PACSIN2: variants seen among roughly 807,000 people sequenced by gnomAD.
PACSIN2 encodes protein kinase C and casein kinase substrate in neurons 2, also known as protein kinase C and casein kinase substrate in neurons protein 2.
Under a neutral mutation model 63.8 loss-of-function variants are expected in PACSIN2, and 25 were observed. The observed-to-expected ratio is 0.39, with a 90% confidence interval of 0.29 to 0.55. The LOEUF is 0.55. Ranked by LOEUF, PACSIN2 falls within the 20% of genes least tolerant of loss-of-function variation. PACSIN2 has a pLI of 0.62. For missense variants in PACSIN2, 518 were observed against 646.9 expected, an observed-to-expected ratio of 0.80 and a Z score of 2.16; for synonymous variants, 255 against 256.2, an observed-to-expected ratio of 1.00 and a Z score of 0.05.
intron 1 of PACSIN2, among the ~76,000 whole-genome samples, chr22:42,932,715 A>C (rs2146779072): frequency 6.6e-6 from 1 of 152,216 alleles, no homozygotes; most frequent in East Asian, 1.9e-4. Context: ...AGCTGAGAGC[A>C]AAACAATTTT....
chr22:42,943,378 G>A (rs1933263908), intron 1 of PACSIN2, among the ~76,000 whole-genome samples: 1 of 151,944 alleles, frequency 6.6e-6, no homozygotes, highest in African/African-American at 2.4e-5. Context: ...TATGCCTTTT[G>A]TTTTCTTGTC....
At chr22:42,973,704 T>A (rs1395295312) in intron 1 of PACSIN2, among the ~76,000 whole-genome samples, 1 of 152,198 alleles carries the variant, frequency 6.6e-6, no homozygotes, top group African/African-American at 2.4e-5. Flanking sequence ...TGCTCTCCCC[T>A]GTAACTGACA....
intron 2 of PACSIN2, among the ~76,000 whole-genome samples, chr22:42,898,797 A>G: frequency 6.6e-6 from 1 of 152,130 alleles, no homozygotes; most frequent in East Asian, 1.9e-4. Flanking sequence ...ACCCAATGTC[A>G]GCCAAGCCTC....
intron 2 of PACSIN2, among the ~76,000 whole-genome samples, chr22:42,896,760 G>T (rs562539803): frequency 6.6e-6 from 1 of 152,192 alleles, no homozygotes; most frequent in African/African-American, 2.4e-5. Flanking sequence ...TGTCCTGCAT[G>T]CTCCCAGCAC....
At chr22:42,966,637 T>C (rs938309913) in intron 1 of PACSIN2, among the ~76,000 whole-genome samples, 1 of 152,162 alleles carries the variant, frequency 6.6e-6, no homozygotes, top group Non-Finnish European at 1.5e-5. Context: ...AAAGCACCAA[T>C]GTGATAGAGG....
chr22:43,007,655 C>T (rs760173151), intron 1 of PACSIN2, among the ~76,000 whole-genome samples: 9 of 152,214 alleles, frequency 5.9e-5, no homozygotes, highest in Non-Finnish European at 8.8e-5. Flanking sequence ...GTCCTGAGGA[C>T]AGTCAGACCC....
At chr22:42,997,574 T>A (rs1458947513) in intron 1 of PACSIN2, among the ~76,000 whole-genome samples, 2 of 138,680 alleles carry the variant, frequency 1.4e-5, no homozygotes, top group Non-Finnish European at 3.2e-5. Flanking sequence ...AAACAATAAA[T>A]AATAAATAAA....
intron 7 of PACSIN2, among the ~76,000 whole-genome samples, chr22:42,881,489 C>T (rs1929071246): frequency 6.6e-6 from 1 of 152,196 alleles, no homozygotes; most frequent in South Asian, 2.1e-4. Flanking sequence ...AGGTAGTCGC[C>T]CTCAGCATCC....
chr22:42,973,105 C>T (rs1294881035), intron 1 of PACSIN2, among the ~76,000 whole-genome samples: 1 of 152,208 alleles, frequency 6.6e-6, no homozygotes, highest in Non-Finnish European at 1.5e-5. Context: ...ACATCTGGGA[C>T]ATGACCGTCA....
chr22:42,955,297 GAACA>G (rs1415774165), intron 1 of PACSIN2, among the ~76,000 whole-genome samples: 8 of 152,138 alleles, frequency 5.3e-5, no homozygotes, highest in East Asian at 1.9e-4. Flanking sequence ...ATGAATGAAT[GAACA>G]AACAAACGAA....
At position 42,887,084 on chromosome 22, in the gene PACSIN2, G is replaced by GA. The variant is rs1929545205; in HGVS notation, c.609+1558_609+1559insT. On this transcript the variant is annotated intron_variant, in intron 5 of 10. Coordinates refer to ENST00000263246, the MANE Select transcript of PACSIN2 (RefSeq NM_001184970.3). ...AGGCCCGAGAGTTCTCCCGGACCTT[G>GA]TGCTTCTTGAGCCCAGGTGCCTCCC... Among the ~76,000 whole-genome samples the GA allele has an allele frequency of 2.6e-5, 4 of 152,200 alleles. No homozygotes were observed. In the South Asian group the frequency reaches 8.3e-4, roughly 31 times the overall value.
rs573537347 is a variant in PACSIN2, at chr22:42,990,068, GTA to G, written c.-78+24951_-78+24952del. Reference sequence around the variant, plus strand: ...TATATATATACACACACATATGTGTGTATATATATGTGTGTGTATATATGTAA... The same window carrying G: ...TATATATATACACACACATATGTGTGTATATATGTGTGTGTATATATGTAA... On this transcript the variant is annotated intron_variant, in intron 1 of 10. Transcript: ENST00000263246. 4.5e-4 allele frequency among the ~76,000 whole-genome samples: 52 copies of G among 116,566 alleles called. No homozygotes were observed. In the East Asian group the frequency reaches 0.012, roughly 27 times the overall value. 76.5% of individuals were successfully genotyped at this position (116,566 alleles called of 152,430 possible).
chr22:42,952,299 T>C (rs1027857909), intron 1 of PACSIN2, among the ~76,000 whole-genome samples: 6 of 152,202 alleles, frequency 3.9e-5, no homozygotes, highest in African/African-American at 1.4e-4. Context: ...GACTCTCCTG[T>C]TGAAGAAATT....
At chr22:42,948,014 CA>C (rs1214686092) in intron 1 of PACSIN2, among the ~76,000 whole-genome samples, 2 of 152,200 alleles carry the variant, frequency 1.3e-5, no homozygotes, top group African/African-American at 4.8e-5. Flanking sequence ...CAGTTCTGCA[CA>C]ACATGCTACG....
intron 1 of PACSIN2, among the ~76,000 whole-genome samples, chr22:42,979,393 A>T (rs1229953098): frequency 6.6e-6 from 1 of 151,926 alleles, no homozygotes; most frequent in Non-Finnish European, 1.5e-5. Flanking sequence ...GCGTGGTAGC[A>T]GGCGTCTGTA....
chr22:42,927,232 CT>C (rs1178857579), intron 1 of PACSIN2, among the ~76,000 whole-genome samples: 1 of 151,192 alleles, frequency 6.6e-6, no homozygotes, highest in Non-Finnish European at 1.5e-5. Flanking sequence ...TCCCTGTTGT[CT>C]GGGTATCTTC....
At chr22:42,875,394 G>A (rs1402015697) in intron 10 of PACSIN2, among the ~76,000 whole-genome samples, 1 of 152,074 alleles carries the variant, frequency 6.6e-6, no homozygotes, top group African/African-American at 2.4e-5. Flanking sequence ...GTTTGCGACA[G>A]GGTCTCGCTC....
At chr22:42,919,657 C>T (rs775792643) in intron 1 of PACSIN2, among the ~76,000 whole-genome samples, 28 of 151,214 alleles carry the variant, frequency 1.9e-4, no homozygotes, top group Non-Finnish European at 3.2e-4. Flanking sequence ...CCTGTAATCT[C>T]AGCTACTCAG....
At chr22:42,944,842 A>T (rs1444286658) in intron 1 of PACSIN2, among the ~76,000 whole-genome samples, 2 of 152,204 alleles carry the variant, frequency 1.3e-5, no homozygotes, top group Admixed American at 1.3e-4. Flanking sequence ...TCACGCCTAT[A>T]ATCTCAGCAC....
Sources: gnomAD v4.1 joint callset for allele counts (sites outside exome capture counted in the v4.1 genomes callset) on GRCh38, gnomAD v4.1.1 for gene constraint, MANE v1.5 for transcripts, NCBI Gene and HGNC (gene_info 2026-07-23, HGNC 2026-07-21) for gene names.